The following ZNF536 variants were observed in gnomAD, a reference collection of about 807,000 sequenced individuals.
The protein encoded by ZNF536 is zinc finger protein 536.
A neutral mutation model predicts 84.5 loss-of-function variants in ZNF536; 13 were observed. The ratio of observed to expected loss-of-function variants is 0.15; its 90% CI spans 0.10 to 0.24. The LOEUF (loss-of-function observed/expected upper bound fraction) is 0.24. Ranked by LOEUF, ZNF536 falls within the 10% of genes least tolerant of loss-of-function variation. The pLI, the probability that ZNF536 is intolerant of heterozygous loss-of-function variation, is 1.00. For missense variants in ZNF536, 1,536 were observed against 1,747.5 expected, an observed-to-expected ratio of 0.88 and a Z score of 2.16; for synonymous variants, 811 against 742.5, an observed-to-expected ratio of 1.09 and a Z score of -1.50.
At chr19:30,705,596 C>G (rs1425615979) in intron 1 of ZNF536, among the ~76,000 whole-genome samples, 1 of 152,054 alleles carries the variant, frequency 6.6e-6, no homozygotes, top group Non-Finnish European at 1.5e-5. Flanking sequence ...GCAAAATTGT[C>G]CAAAGCTCAA....
At chr19:30,471,365 A>C (rs1037259868) in intron 2 of ZNF536, among the ~76,000 whole-genome samples, 1 of 152,252 alleles carries the variant, frequency 6.6e-6, no homozygotes, top group African/African-American at 2.4e-5. Flanking sequence ...TATAGAGCTC[A>C]GTGCAAAATG....
At chr19:30,668,007 C>G (rs17543087) in intron 1 of ZNF536, among the ~76,000 whole-genome samples, 31,845 of 151,934 alleles carry the variant, frequency 0.21, 3,790 homozygotes, top group African/African-American at 0.3. Context: ...CCTCAGGGCA[C>G]TATCCTTTCA....
intron 1 of ZNF536, among the ~76,000 whole-genome samples, chr19:30,631,081 G>A (rs1898083923): frequency 6.6e-6 from 1 of 152,200 alleles, no homozygotes; most frequent in South Asian, 2.1e-4. Context: ...GGCTCCTGGA[G>A]CGGAGGCTGG....
chr19:30,645,896 G>A (rs530429298), intron 1 of ZNF536, among the ~76,000 whole-genome samples: 6 of 152,218 alleles, frequency 3.9e-5, no homozygotes, highest in South Asian at 2.1e-4. Flanking sequence ...TTCGTTTGGC[G>A]AACAACACGT....
chr19:30,679,090 T>C (rs1221334207), intron 1 of ZNF536, among the ~76,000 whole-genome samples: 2 of 152,124 alleles, frequency 1.3e-5, no homozygotes, highest in East Asian at 3.9e-4. Context: ...TGATTTTTCT[T>C]CTGTGCAGAA....
At chr19:30,271,587 C>T (rs924265779) in intron 1 of ZNF536, among the ~76,000 whole-genome samples, 2 of 152,118 alleles carry the variant, frequency 1.3e-5, no homozygotes, top group African/African-American at 2.4e-5. Context: ...ACCATTCTCT[C>T]GCCATGTTCC....
At chr19:30,664,243 TC>T (rs2050234340) in intron 1 of ZNF536, among the ~76,000 whole-genome samples, 1 of 133,194 alleles carries the variant, frequency 7.5e-6, no homozygotes, top group African/African-American at 3.0e-5. Flanking sequence ...TCTCTCTCTC[TC>T]TCTCTCTCTC....
At chr19:30,459,635 G>A (rs2148407113) in intron 2 of ZNF536, among the ~76,000 whole-genome samples, 1 of 152,296 alleles carries the variant, frequency 6.6e-6, no homozygotes, top group Middle Eastern at 3.4e-3. Flanking sequence ...ACAGGCCTGT[G>A]CCACTGTACC....
chr19:30,530,636 C>T (rs1168490777), intron 2 of ZNF536, among the ~76,000 whole-genome samples: 1 of 152,156 alleles, frequency 6.6e-6, no homozygotes, highest in Non-Finnish European at 1.5e-5. Context: ...TGTGAGCCAC[C>T]ATGCCCAGCC....
At chr19:30,705,428 AT>A (rs2052185319) in intron 1 of ZNF536, among the ~76,000 whole-genome samples, 1 of 152,200 alleles carries the variant, frequency 6.6e-6, no homozygotes, top group South Asian at 2.1e-4. Flanking sequence ...GTTTGAGCCT[AT>A]AAAAACACAT....
At chr19:30,343,882 G>A (rs2047643527) in intron 2 of ZNF536, among the ~76,000 whole-genome samples, 1 of 152,108 alleles carries the variant, frequency 6.6e-6, no homozygotes, top group Admixed American at 6.6e-5. Flanking sequence ...ACAGCAAGAG[G>A]TTGGCCAACT....
intron 1 of ZNF536, among the ~76,000 whole-genome samples, chr19:30,641,520 AG>A (rs1169960179): frequency 6.6e-6 from 1 of 152,166 alleles, no homozygotes; most frequent in Admixed American, 6.6e-5. Context: ...ATCATTATAT[AG>A]TTATTTACCC....
intron 2 of ZNF536, among the ~76,000 whole-genome samples, chr19:30,304,848 A>G (rs2046299212): frequency 6.6e-6 from 1 of 152,236 alleles, no homozygotes; most frequent in African/African-American, 2.4e-5. Context: ...ACGGTGGACC[A>G]GCCCAAGTTC....
chr19:30,246,288 C>T (rs565368212), intron 1 of ZNF536, among the ~76,000 whole-genome samples: 11 of 152,142 alleles, frequency 7.2e-5, no homozygotes, highest in South Asian at 6.2e-4. Flanking sequence ...GTATTGCTCG[C>T]GTATTTCTCC....
intron 2 of ZNF536, among the ~76,000 whole-genome samples, chr19:30,449,962 C>T (rs1164651431): frequency 6.6e-6 from 1 of 151,950 alleles, no homozygotes; most frequent in African/African-American, 2.4e-5. Flanking sequence ...CCCCTCCCTG[C>T]CCCCGTTCAC....
chr19:30,540,424 C>T (rs2045283949), intron 3 of ZNF536, among the ~76,000 whole-genome samples: 1 of 152,216 alleles, frequency 6.6e-6, no homozygotes, highest in Non-Finnish European at 1.5e-5. Context: ...ACTCAGCCCG[C>T]AGGGATGGAG....
chr19:30,239,788 G>C (rs12983955), intron 1 of ZNF536, among the ~76,000 whole-genome samples: 1 of 151,882 alleles, frequency 6.6e-6, no homozygotes, highest in Non-Finnish European at 1.5e-5. Context: ...TCCCTACCCC[G>C]CATCTCATTC....
rs542400047 is a variant in ZNF536 at position 30,451,654 on chromosome 19, A to G, written c.2170+5922A>G. On this transcript the variant is annotated intron_variant, in intron 2 of 4. Coordinates refer to ENST00000355537, the MANE Select transcript of ZNF536 (RefSeq NM_014717.3). ...TCTGCTCCAGCACTTAACAGGCAGG[A>G]CATGGTTTTGCTTGTGAGGGATTAG... is the stretch of plus-strand genomic sequence containing the variant. 1.9e-3 allele frequency among the ~76,000 whole-genome samples: 287 copies of G among 152,266 alleles called. 1 individual carries two copies. Among genetic ancestry groups the G allele is most frequent in the African/African-American group, 6.4e-3 (268 of 41,562 alleles).
At chr19:30,712,591 A>G (rs1030459034) in exon 2 of ZNF536, 1 of 152,204 alleles carries the variant, frequency 6.6e-6, no homozygotes, top group African/African-American at 2.4e-5. Context: ...AAAGAATCTC[A>G]GGCTAATAAG....
Sources: gnomAD v4.1 joint callset for allele counts (sites outside exome capture counted in the v4.1 genomes callset) on GRCh38, gnomAD v4.1.1 for gene constraint, MANE v1.5 for transcripts, NCBI Gene and HGNC (gene_info 2026-07-23, HGNC 2026-07-21) for gene names.